DPP6: variants seen among roughly 807,000 people sequenced by gnomAD.
DPP6 encodes the protein A-type potassium channel modulatory protein DPP6.
In DPP6, 69 loss-of-function variants were observed where a neutral mutation model predicts 122.6. The observed-to-expected ratio is 0.56, with a 90% CI of 0.46 to 0.69. The LOEUF (loss-of-function observed/expected upper bound fraction) is 0.69. Among genes scored for constraint, DPP6 ranks in the 30% least tolerant of loss-of-function variants. DPP6 has a pLI of 0.00. For synonymous variants in DPP6, 418 were observed against 433.1 expected (o/e 0.97, Z 0.43); for missense variants, 928 against 1,116.9 (o/e 0.83, Z 2.41).
chr7:154,311,860 CTAAATGACTGAGACAAATCCATTCA>C (rs749362711), intron 1 of DPP6, among the ~76,000 whole-genome samples: 16 of 152,128 alleles, frequency 1.1e-4, no homozygotes, highest in Non-Finnish European at 2.2e-4. Flanking sequence ...CTGGGCCTTG[CTAAATGACTGAGACAAATCCATTCA>C]TTAAACAAAA....
intron 1 of DPP6, among the ~76,000 whole-genome samples, chr7:153,957,747 G>A (rs1483793907): frequency 6.6e-6 from 1 of 152,148 alleles, no homozygotes; most frequent in African/African-American, 2.4e-5. Flanking sequence ...CCTCATTAAC[G>A]CTCTCTTTCC....
chr7:154,204,922 A>G (rs1799360069), intron 1 of DPP6, among the ~76,000 whole-genome samples: 1 of 152,120 alleles, frequency 6.6e-6, no homozygotes, highest in South Asian at 2.1e-4. Flanking sequence ...AATATGCATG[A>G]GTCACTCTTT....
At chr7:154,848,860 G>T (rs1384733107) in intron 16 of DPP6, among the ~76,000 whole-genome samples, 2 of 152,026 alleles carry the variant, frequency 1.3e-5, no homozygotes, top group Admixed American at 1.3e-4. Context: ...TAAGAGTCCA[G>T]TTTCCTCCTT....
At chr7:154,519,440 T>C (rs1422289490) in intron 3 of DPP6, among the ~76,000 whole-genome samples, 1 of 152,200 alleles carries the variant, frequency 6.6e-6, no homozygotes, top group Non-Finnish European at 1.5e-5. Context: ...TTGTGACACA[T>C]GCCAGATCTT....
In DPP6 at chr7:154,880,877, C is replaced by T. The variant is rs191116644; in HGVS notation, c.2079-11C>T. 2.3e-3 allele frequency: 3,668 copies of T among 1,613,996 alleles called. 2 individuals are homozygous for T. The highest frequency in any genetic ancestry group is 2.8e-3 in the Non-Finnish European group (3,355 of 1,179,898). On this transcript the variant is annotated splice_polypyrimidine_tract_variant and intron_variant, in intron 20 of 25. Transcript: ENST00000377770. ...TGCACTGAACCCTCTTTCCCCTCCT[C>T]GACCTCACAGGACGATGCTGAAGGA...
chr7:154,865,567 C>CTTCTAAACACCAGAAACTTTTCCATCAAT (rs1563298771), intron 17 of DPP6: 23 of 152,102 alleles, frequency 1.5e-4, no homozygotes, highest in Non-Finnish European at 2.4e-4. Context: ...TTTCCATCAA[C>CTTCTAAACACCAGAAACTTTTCCATCAAT]TTCTAAACAC....
chr7:154,865,777 C>T (rs1443613063), intron 17 of DPP6, among the ~76,000 whole-genome samples: 2 of 152,140 alleles, frequency 1.3e-5, no homozygotes, highest in Non-Finnish European at 2.9e-5. Context: ...GACCTCTCCT[C>T]GGTCCTGTTT....
intron 1 of DPP6, among the ~76,000 whole-genome samples, chr7:154,211,711 T>A (rs911707002): frequency 7.9e-5 from 12 of 152,154 alleles, no homozygotes; most frequent in Admixed American, 7.2e-4. Context: ...AACTGTTTAC[T>A]CAGAGGACCA....
chr7:154,836,740 C>T (rs1801083898), intron 16 of DPP6, among the ~76,000 whole-genome samples: 1 of 152,114 alleles, frequency 6.6e-6, no homozygotes, highest in Non-Finnish European at 1.5e-5. Flanking sequence ...GAGTTTCGCT[C>T]TTGTCACCCA....
At chr7:153,942,752 C>G (rs1446889742) in intron 1 of DPP6, among the ~76,000 whole-genome samples, 1 of 152,230 alleles carries the variant, frequency 6.6e-6, no homozygotes, top group African/African-American at 2.4e-5. Flanking sequence ...CCGCCCCACA[C>G]TCTGTTCAGG....
intron 1 of DPP6, among the ~76,000 whole-genome samples, chr7:154,430,490 T>C (rs1171383028): frequency 6.6e-6 from 1 of 152,188 alleles, no homozygotes; most frequent in African/African-American, 2.4e-5. Flanking sequence ...GAGCAGGCTC[T>C]TGAGTCTCCT....
At chr7:153,818,909 G>A in the DPP6 span, among the ~76,000 whole-genome samples, 5 of 151,696 alleles carry the variant, frequency 3.3e-5, no homozygotes, top group African/African-American at 2.4e-5. Flanking sequence ...ATGCCACCAC[G>A]CTTGGCTAAT....
chr7:154,763,135 C>G (rs974074845), intron 8 of DPP6, among the ~76,000 whole-genome samples: 1 of 152,194 alleles, frequency 6.6e-6, no homozygotes, highest in African/African-American at 2.4e-5. Flanking sequence ...AGTTTGAGAC[C>G]AGCCTGGCCA....
rs1412395422 is a variant in DPP6, at chr7:154,486,019, C to T, written c.457+10982C>T. The stretch of plus-strand genomic sequence containing the variant: ...CTTTAGAAATAAGAAAACTATGAGT[C>T]AAAGACACTAAATCACTTTTTCAAA... On this transcript the variant is annotated intron_variant, in intron 3 of 25. Transcript: ENST00000377770. This position sits in a 1 kb window ranked among gnomAD's most constrained non-coding sequence, Gnocchi z 4.5. Among the ~76,000 whole-genome samples the T allele has an allele frequency of 1.3e-5, 2 of 150,268 alleles. No homozygotes were observed. The highest frequency in any genetic ancestry group is 4.9e-5 in the African/African-American group (2 of 40,820).
the DPP6 span, among the ~76,000 whole-genome samples, chr7:153,856,546 G>A: frequency 1.3e-5 from 2 of 152,160 alleles, no homozygotes; most frequent in Non-Finnish European, 2.9e-5. Flanking sequence ...ATGATCAAGA[G>A]AATAGCTTAG....
chr7:154,822,485 C>T (rs937964673), intron 16 of DPP6, among the ~76,000 whole-genome samples: 3 of 152,146 alleles, frequency 2.0e-5, no homozygotes, highest in African/African-American at 7.2e-5. Context: ...ACACTGTCAC[C>T]TTGTGGGTAA....
At chr7:154,264,780 T>G (rs1228504834) in intron 1 of DPP6, among the ~76,000 whole-genome samples, 2 of 151,994 alleles carry the variant, frequency 1.3e-5, no homozygotes, top group Non-Finnish European at 2.9e-5. Flanking sequence ...ATGATGATCC[T>G]GATGATGGTG....
At chr7:154,885,853 A>G (rs1041846846) in intron 22 of DPP6, 109 bp downstream of exon 22, 22 of 1,426,722 alleles carry the variant, frequency 1.5e-5, no homozygotes, top group Non-Finnish European at 2.0e-5. Flanking sequence ...CGCTAACCAC[A>G]GGTGCCTCCA....
intron 1 of DPP6, among the ~76,000 whole-genome samples, chr7:154,111,633 G>A (rs1806585651): frequency 6.8e-6 from 1 of 147,574 alleles, no homozygotes; most frequent in Non-Finnish European, 1.5e-5. Context: ...GTGTGTGTGT[G>A]TGTGTGTGTG....
Sources: gnomAD v4.1 joint callset for allele counts (sites outside exome capture counted in the v4.1 genomes callset) on GRCh38, gnomAD v4.1.1 for gene constraint, Gnocchi (gnomAD v3.1) non-coding constraint, MANE v1.5 for transcripts, NCBI Gene and HGNC (gene_info 2026-07-23, HGNC 2026-07-21) for gene names.